ANXA8: variants seen among roughly 807,000 people sequenced by gnomAD.
The protein encoded by ANXA8 is annexin A8, also known as VAC-beta.
In ANXA8, 9 loss-of-function variants were observed where a neutral mutation model predicts 26.8. That is an observed-to-expected ratio of 0.34 (90% CI 0.20 to 0.59). ANXA8 has a LOEUF of 0.59. Ranked by LOEUF, ANXA8 falls within the 20% of genes least tolerant of loss-of-function variation. ANXA8 has a pLI of 0.84. For synonymous variants in ANXA8, 39 were observed against 94.8 expected, an observed-to-expected ratio of 0.41 and a Z score of 3.42; for missense variants, 83 against 238.5, an observed-to-expected ratio of 0.35 and a Z score of 4.29.
At chr10:47,943,453 A>C in the ANXA8 span, among the ~76,000 whole-genome samples, 1 of 146,176 alleles carries the variant, frequency 6.8e-6, no homozygotes, top group Non-Finnish European at 1.5e-5. Context: ...TAGCAGAACA[A>C]AAGAAGGGCA....
chr10:47,565,956 A>T, the ANXA8 span: 1 of 1,492,306 alleles, frequency 6.7e-7, no homozygotes. Flanking sequence ...CGCGGCGAGG[A>T]GCTGGCCGCC....
chr10:47,652,646 A>G, the ANXA8 span, among the ~76,000 whole-genome samples: 159 of 145,152 alleles, frequency 1.1e-3, 1 homozygote, highest in East Asian at 0.029. Context: ...ATAATTAGTA[A>G]CCTTTAGTAA....
At chr10:47,640,917 C>A in the ANXA8 span, among the ~76,000 whole-genome samples, 1 of 132,314 alleles carries the variant, frequency 7.6e-6, no homozygotes, top group African/African-American at 3.4e-5. Flanking sequence ...AAGTAGGGAA[C>A]AGGATGAAGT....
the ANXA8 span, among the ~76,000 whole-genome samples, chr10:47,664,785 G>T: frequency 6.9e-6 from 1 of 144,640 alleles, no homozygotes; most frequent in Non-Finnish European, 1.5e-5. Flanking sequence ...GAGTACATTG[G>T]CACAATCATG....
chr10:47,570,735 T>C, the ANXA8 span, among the ~76,000 whole-genome samples: 3 of 150,876 alleles, frequency 2.0e-5, no homozygotes, highest in East Asian at 5.8e-4. Context: ...ATCATGCCAC[T>C]GCACTCTGGC....
chr10:47,698,175 A>C, the ANXA8 span, among the ~76,000 whole-genome samples: 9 of 149,998 alleles, frequency 6.0e-5, no homozygotes, highest in African/African-American at 2.2e-4. Context: ...TTGTGGGGAA[A>C]AGGGCTATGT....
chr10:47,718,451 C>T, the ANXA8 span, among the ~76,000 whole-genome samples: 149 of 118,648 alleles, frequency 1.3e-3, no homozygotes, highest in Admixed American at 2.3e-3. Context: ...CTAGCCTGGA[C>T]GACAGAGTGA....
At chr10:47,959,420 C>T in the ANXA8 span, among the ~76,000 whole-genome samples, 1 of 149,370 alleles carries the variant, frequency 6.7e-6, no homozygotes, top group Non-Finnish European at 1.5e-5. Flanking sequence ...AGTCAGAGGA[C>T]CCACATTGGC....
the ANXA8 span, among the ~76,000 whole-genome samples, chr10:47,497,855 C>T: frequency 2.6e-5 from 4 of 151,892 alleles, no homozygotes; most frequent in South Asian, 6.3e-4. Context: ...AGGAGAATCA[C>T]TTGAACCCAG....
the ANXA8 span, among the ~76,000 whole-genome samples, chr10:47,586,945 G>A: frequency 6.8e-6 from 1 of 146,238 alleles, no homozygotes; most frequent in East Asian, 1.9e-4. Flanking sequence ...GGTTGATCAT[G>A]CCTGTAATTC....
chr10:47,496,810 T>TA, the ANXA8 span, among the ~76,000 whole-genome samples: 1 of 149,126 alleles, frequency 6.7e-6, no homozygotes, highest in Non-Finnish European at 1.5e-5. Flanking sequence ...TTTTGGCAAT[T>TA]ACAGCACAAA....
At chr10:47,565,752 G>A in the ANXA8 span, 1 of 611,906 alleles carries the variant, frequency 1.6e-6, no homozygotes, top group Non-Finnish European at 2.4e-6. Context: ...GCCGGGCAGG[G>A]TGCTGTTTGC....
chr10:47,720,317 C>T, the ANXA8 span, among the ~76,000 whole-genome samples: 3 of 143,132 alleles, frequency 2.1e-5, no homozygotes, highest in Non-Finnish European at 4.5e-5. Context: ...ACCAAAGAAA[C>T]ATTTTCCTTG....
the ANXA8 span, among the ~76,000 whole-genome samples, chr10:47,943,624 CT>C: frequency 6.6e-6 from 1 of 151,372 alleles, no homozygotes; most frequent in African/African-American, 2.4e-5. Context: ...TATGACACAA[CT>C]TTTGGGGTGT....
At chr10:47,595,632 A>G in the ANXA8 span, among the ~76,000 whole-genome samples, 8 of 149,228 alleles carry the variant, frequency 5.4e-5, no homozygotes, top group East Asian at 1.4e-3. Flanking sequence ...GAGAAAACAG[A>G]TCTTCAGCCA....
the ANXA8 span, among the ~76,000 whole-genome samples, chr10:47,651,769 C>T: frequency 2.0e-5 from 3 of 151,916 alleles, no homozygotes; most frequent in African/African-American, 7.3e-5. Context: ...TGGCTTATGC[C>T]TGTAATTCCA....
chr10:47,671,831 A>G, the ANXA8 span, among the ~76,000 whole-genome samples: 1 of 151,858 alleles, frequency 6.6e-6, no homozygotes, highest in Admixed American at 6.5e-5. Context: ...ATGGAAAAAA[A>G]TAATTTTTAA....
chr10:47,655,599 A>T, the ANXA8 span, among the ~76,000 whole-genome samples: 7,905 of 148,248 alleles, frequency 0.053, 565 homozygotes, highest in African/African-American at 0.2. Flanking sequence ...GATAGTGGAA[A>T]TGAAGATTGA....
chr10:47,620,612 C>T, the ANXA8 span, among the ~76,000 whole-genome samples: 7 of 104,096 alleles, frequency 6.7e-5, no homozygotes, highest in African/African-American at 2.2e-4. Context: ...GTTCTGGACG[C>T]TTAAAAAATG....
Sources: gnomAD v4.1 joint callset for allele counts (sites outside exome capture counted in the v4.1 genomes callset) on GRCh38, gnomAD v4.1.1 for gene constraint, MANE v1.5 for transcripts, NCBI Gene and HGNC (gene_info 2026-07-23, HGNC 2026-07-21) for gene names.